ACACB: variants seen among roughly 807,000 people sequenced by gnomAD.
ACACB encodes the protein acetyl-CoA carboxylase 2.
In ACACB, 209 loss-of-function variants were observed where a neutral mutation model predicts 278.8. That is an observed-to-expected ratio of 0.75 (90% confidence interval 0.67 to 0.84). ACACB has a LOEUF of 0.84. Ranked by LOEUF, ACACB falls within the 40% of genes least tolerant of loss-of-function variation. ACACB has a pLI of 0.00. For missense variants in ACACB, 2,850 were observed against 3,269.0 expected (o/e 0.87, Z 3.13); for synonymous variants, 1,174 against 1,285.6 (o/e 0.91, Z 1.86).
intron 40 of ACACB, among the ~76,000 whole-genome samples, chr12:109,248,113 C>T (rs1195404009): frequency 6.6e-6 from 1 of 152,142 alleles, no homozygotes; most frequent in African/African-American, 2.4e-5. Context: ...ATGTTTTTCT[C>T]AGTGGGATTA....
At chr12:109,250,176 G>T in intron 41 of ACACB, 72 bp downstream of exon 41, 1 of 1,446,734 alleles carries the variant, frequency 6.9e-7, no homozygotes, top group East Asian at 2.6e-5. Context: ...CACAAAATTA[G>T]AGAGAATCAA....
intron 1 of ACACB, among the ~76,000 whole-genome samples, chr12:109,121,363 C>T (rs964923068): frequency 1.2e-4 from 18 of 152,178 alleles, no homozygotes; most frequent in African/African-American, 3.4e-4. Context: ...GGGAAGGGGT[C>T]GGGGGAGATG....
chr12:109,167,621 G>GCATATATATATATATATATATATATA (rs1408673157), intron 3 of ACACB, among the ~76,000 whole-genome samples: 5 of 77,522 alleles, frequency 6.4e-5, no homozygotes, highest in African/African-American at 2.5e-4. Flanking sequence ...ATATGTATGT[G>GCATATATATATATATATATATATATA]TATATATATA....
chr12:109,191,886 G>T lies in ACACB; in HGVS notation c.2335G>T (p.Ala779Ser), dbSNP rs751179466. The change falls in exon 15 of 53, where the codon GCC becomes TCC. Residue 779 changes from alanine (A) to serine (S), a missense_variant. This residue lies in a region of ACACB where 2,265 missense variants were observed against 2,561.3 expected (regional missense o/e 0.88). Coordinates refer to ENST00000338432, the MANE Select transcript of ACACB (RefSeq NM_001093.4). Reference protein sequence around the residue: ...PDIMLGVVCGALNVADAMFRT... With the variant: ...PDIMLGVVCGSLNVADAMFRT... ...TATCATGCTTGGGGTGGTATGCGGGGCCTTGAACGTGGCCGATGCGATGTT... is the reference window on the plus strand; with the variant it reads ...TATCATGCTTGGGGTGGTATGCGGGTCCTTGAACGTGGCCGATGCGATGTT... The T allele has an allele frequency of 6.2e-7, 1 of 1,614,206 alleles. No individual in the cohort carries two copies. Among genetic ancestry groups the T allele is most frequent in the Admixed American group, 1.7e-5 (1 of 60,028 alleles).
chr12:109,216,530 C>G, intron 22 of ACACB, 88 bp from the exon 23 acceptor site: 3 of 1,389,560 alleles, frequency 2.2e-6, no homozygotes, highest in Non-Finnish European at 3.0e-6. Context: ...AATCCTTTCT[C>G]TTTTTAAAAA....
chr12:109,193,379 G>A (rs1242830996), intron 15 of ACACB, among the ~76,000 whole-genome samples: 3 of 151,946 alleles, frequency 2.0e-5, no homozygotes, highest in Non-Finnish European at 2.9e-5. Context: ...CACCACGCCC[G>A]GCTAATTTTT....
intron 1 of ACACB, among the ~76,000 whole-genome samples, chr12:109,117,918 T>G (rs2042446612): frequency 6.6e-6 from 1 of 152,148 alleles, no homozygotes; most frequent in Admixed American, 6.5e-5. Flanking sequence ...GGCTAATTTT[T>G]TTTGTATTTT....
Position 109,242,551 on chromosome 12 carries a change from G to A in ACACB, c.5137G>A (p.Gly1713Arg). The change falls in exon 37 of 53, where the codon GGA (glycine) becomes AGA (arginine). Residue 1713 changes from glycine to arginine, a missense_variant. This residue lies in a region of ACACB where 2,265 missense variants were observed against 2,561.3 expected (regional missense o/e 0.88). Coordinates refer to ENST00000338432, the MANE Select transcript of ACACB (RefSeq NM_001093.4). ...CAAGCGATTCCAGGCCCAGACCCTG[G>A]GAACCACCTACATCTATGACTTCCC... ...QAKRFQAQTL[G>R]TTYIYDFPEM... The A allele has an allele frequency of 6.2e-7, 1 of 1,614,116 alleles. No homozygotes were observed. The highest frequency in any genetic ancestry group is 1.1e-5 in the South Asian group (1 of 91,080).
chr12:109,151,658 C>T (rs1173859548), intron 2 of ACACB, among the ~76,000 whole-genome samples: 1 of 152,156 alleles, frequency 6.6e-6, no homozygotes, highest in Non-Finnish European at 1.5e-5. Flanking sequence ...CACATGCATG[C>T]GGATTTTCTT....
chr12:109,256,359 A>G, intron 45 of ACACB, 123 bp downstream of exon 45: 1 of 714,006 alleles, frequency 1.4e-6, no homozygotes, highest in Non-Finnish European at 2.4e-6. Context: ...TCTAAAAGAA[A>G]AAACCAATTT....
chr12:109,241,125 G>C lies in ACACB; in HGVS notation c.4866G>C (p.Leu1622=), dbSNP rs1241536370. 1 of 1,614,152 alleles carries C rather than the reference G, an allele frequency of 6.2e-7. No homozygotes were observed. The highest frequency in any genetic ancestry group is 8.5e-7 in the Non-Finnish European group (1 of 1,180,028). Residue 1622 remains leucine, a synonymous_variant, in exon 36 of 53, where the codon CTG becomes CTC. Transcript: ENST00000338432. Reference sequence around the variant, plus strand: ...TGGTTATGCGCTACGGCAGCCGGCTGTGGAAACTCCGTGTGCTACAGGCTG... The same window carrying C: ...TGGTTATGCGCTACGGCAGCCGGCTCTGGAAACTCCGTGTGCTACAGGCTG... The part of the protein sequence containing the change: ...RYMVMRYGSR[L]WKLRVLQAEV...
rs73199107 is a variant in ACACB, at chr12:109,178,373, C to T, written c.1438-715C>T. Reference sequence around the variant, plus strand: ...CTTAGATTCCACCCGGGAGAGCTAGCTGAGAAAGTGCAGTAAGTGGAAGAA... The same window carrying T: ...CTTAGATTCCACCCGGGAGAGCTAGTTGAGAAAGTGCAGTAAGTGGAAGAA... On this transcript the variant is annotated intron_variant, in intron 9 of 52. Coordinates refer to ENST00000338432, the MANE Select transcript of ACACB (RefSeq NM_001093.4). 6.2e-3 allele frequency among the ~76,000 whole-genome samples: 940 copies of T among 152,320 alleles called. 7 individuals are homozygous for T. The highest frequency in any genetic ancestry group is 0.01 in the Non-Finnish European group (698 of 68,034).
intron 4 of ACACB, among the ~76,000 whole-genome samples, chr12:109,171,146 G>C (rs1380997806): frequency 1.3e-5 from 2 of 150,660 alleles, no homozygotes; most frequent in African/African-American, 4.9e-5. Context: ...GCACCACCGT[G>C]CCCAGCCCTA....
intron 28 of ACACB, among the ~76,000 whole-genome samples, chr12:109,227,691 A>T (rs1593636585): frequency 6.6e-6 from 1 of 152,198 alleles, no homozygotes; most frequent in Admixed American, 6.5e-5. Context: ...CACCTCCTAC[A>T]CCTGCACTGT....
At chr12:109,256,089 G>T in intron 44 of ACACB, 51 bp from the exon 45 acceptor site, 1 of 1,528,942 alleles carries the variant, frequency 6.5e-7, no homozygotes, top group East Asian at 2.3e-5. Context: ...TGTCCTGGGG[G>T]CCCCCAGCCA....
At chr12:109,213,620 A>T (rs1005017331) in intron 22 of ACACB, among the ~76,000 whole-genome samples, 10 of 151,114 alleles carry the variant, frequency 6.6e-5, no homozygotes, top group Admixed American at 6.6e-4. Flanking sequence ...TTTGAGATGG[A>T]GTTTCGCTCT....
intron 34 of ACACB, among the ~76,000 whole-genome samples, chr12:109,238,409 T>C (rs2046696352): frequency 7.1e-6 from 1 of 140,360 alleles, no homozygotes; most frequent in African/African-American, 2.6e-5. Flanking sequence ...TATATAATTA[T>C]ATATAATAAT....
chr12:109,223,433 C>T (rs767897780), intron 26 of ACACB, among the ~76,000 whole-genome samples: 2 of 152,248 alleles, frequency 1.3e-5, no homozygotes, highest in Middle Eastern at 3.4e-3. Context: ...CCTGCTCCCA[C>T]CGCCCCCACT....
intron 27 of ACACB, 21 bp downstream of exon 27, chr12:109,223,925 G>T: frequency 1.3e-6 from 2 of 1,599,130 alleles, no homozygotes; most frequent in Non-Finnish European, 1.7e-6. Flanking sequence ...GAGGCCCAGA[G>T]AACAGCACTG....
Sources: allele counts gnomAD v4.1 joint callset (sites outside exome capture counted in the v4.1 genomes callset), GRCh38; gene constraint gnomAD v4.1.1; regional missense constraint gnomAD v4.1.1; transcripts MANE v1.5; gene names NCBI Gene and HGNC (gene_info 2026-07-23, HGNC 2026-07-21).